The following LAMA5 variants were observed in gnomAD, a reference collection of about 807,000 sequenced individuals.
LAMA5 encodes the protein laminin subunit alpha-5.
In LAMA5, 260 loss-of-function variants were observed where a neutral mutation model predicts 433.4. That is an observed-to-expected ratio of 0.60 (90% CI 0.54 to 0.66). LAMA5 has a LOEUF of 0.66. Ranked by LOEUF, LAMA5 falls within the 30% of genes least tolerant of loss-of-function variation. The pLI is 0.00. For missense variants in LAMA5, 5,378 were observed against 5,258.5 expected, an observed-to-expected ratio of 1.02 and a Z score of -0.70; for synonymous variants, 2,620 against 2,226.6, an observed-to-expected ratio of 1.18 and a Z score of -4.97.
chr20:62,329,696 G>T (rs1979987502), intron 32 of LAMA5, 81 bp downstream of exon 32: 7 of 1,544,172 alleles, frequency 4.5e-6, no homozygotes, highest in African/African-American at 1.4e-5. Context: ...AGAAGAGACA[G>T]ACCCAGCCCA....
intron 48 of LAMA5, among the ~76,000 whole-genome samples, chr20:62,321,099 C>T (rs1987654528): frequency 7.1e-6 from 1 of 140,948 alleles, no homozygotes; most frequent in Non-Finnish European, 1.5e-5. Flanking sequence ...GGCATGGGGT[C>T]ACCCAGGGAG....
At chr20:62,316,160 C>G in intron 57 of LAMA5, 102 bp from the exon 58 acceptor site, 2 of 761,616 alleles carry the variant, frequency 2.6e-6, no homozygotes, top group South Asian at 3.2e-5. Context: ...GGCTGACACA[C>G]AGCAGACAGA....
In LAMA5 at chr20:62,320,542, G is replaced by A; in HGVS notation, c.6759+17C>T. 6.4e-7 allele frequency: 1 copy of A among 1,567,944 alleles called. No individual in the cohort carries two copies. The highest frequency in any genetic ancestry group is 8.6e-7 in the Non-Finnish European group (1 of 1,161,450). On this transcript the variant is annotated intron_variant, in intron 50 of 79. Coordinates refer to ENST00000252999, the MANE Select transcript of LAMA5 (RefSeq NM_005560.6). ...GTGAAAGCCTCCCGGGGCCCTGGGG[G>A]GTCTTGGGGCTCCTGCCTGGCCGCC...
At chr20:62,322,244 C>T in intron 47 of LAMA5, 25 bp downstream of exon 47, 1 of 1,570,208 alleles carries the variant, frequency 6.4e-7, no homozygotes, top group Non-Finnish European at 8.6e-7. Flanking sequence ...CCCCATCCGC[C>T]CTCCTGTGAC....
chr20:62,316,749 C>A lies in LAMA5; in HGVS notation c.7678G>T (p.Asp2560Tyr), dbSNP rs1357142971. ...TTGGCCAGGAGCTGCTGGGCTCGGT[C>A]CACCAGGCCCTGCCGCACCACCGTC... ...WATVVRQGLV[D>Y]RAQQLLANST... Residue 2560 changes from aspartate to tyrosine, a missense_variant, in exon 57 of 80, where the codon GAC becomes TAC. Asp to Tyr is a radical substitution (Grantham distance 160, BLOSUM62 -3). Transcript: ENST00000252999. 6.2e-7 allele frequency: 1 copy of A among 1,607,744 alleles called. No individual in the cohort carries two copies. Among genetic ancestry groups the A allele is most frequent in the East Asian group, 2.2e-5 (1 of 44,738 alleles).
At chr20:62,354,940 G>A (rs929981048) in intron 2 of LAMA5, among the ~76,000 whole-genome samples, 2 of 152,188 alleles carry the variant, frequency 1.3e-5, no homozygotes, top group African/African-American at 4.8e-5. Context: ...CCTCTCCCCC[G>A]CCTGTGCGAG....
intron 66 of LAMA5, 41 bp from the exon 67 acceptor site, chr20:62,312,821 G>C: frequency 1.2e-6 from 2 of 1,601,356 alleles, no homozygotes; most frequent in Non-Finnish European, 1.7e-6. Flanking sequence ...CTGTGTCCCT[G>C]CGGCCTGCCC....
chr20:62,345,103 C>T (rs1024598368), intron 11 of LAMA5, among the ~76,000 whole-genome samples: 5 of 151,612 alleles, frequency 3.3e-5, no homozygotes, highest in Non-Finnish European at 5.9e-5. Context: ...CAGCAAGCTC[C>T]GCCTCCCGGG....
chr20:62,344,197 C>A (rs1437580981), intron 11 of LAMA5, among the ~76,000 whole-genome samples: 1 of 151,206 alleles, frequency 6.6e-6, no homozygotes, highest in Non-Finnish European at 1.5e-5. Context: ...AGTCTAAGAC[C>A]CCACTCACTG....
At chr20:62,336,027 AACCCCTAT>A (rs1267484263) in intron 18 of LAMA5, among the ~76,000 whole-genome samples, 5 of 146,438 alleles carry the variant, frequency 3.4e-5, no homozygotes, top group African/African-American at 1.0e-4. Flanking sequence ...CCCTCCGAGG[AACCCCTAT>A]ACCCCAATAC....
In LAMA5 at chr20:62,325,315, C is replaced by A; in HGVS notation, c.5529+1G>T. The A allele has an allele frequency of 1.3e-6, 2 of 1,575,436 alleles. No individual in the cohort carries two copies. Among genetic ancestry groups the A allele is most frequent in the Non-Finnish European group, 1.7e-6 (2 of 1,158,126 alleles). ...GCAGTCTGGTGCTGTCCTAACCTCA[C>A]CTGGCATGAGTCCCCCCGGTAGCTG... On this transcript the variant is annotated splice_donor_variant, in intron 41 of 79. Transcript: ENST00000252999. LOFTEE classifies it high-confidence loss of function.
rs976363221 is a variant in LAMA5, at chr20:62,324,861, C to T, written c.5530-307G>A. On this transcript the variant is annotated intron_variant, in intron 41 of 79. Coordinates refer to ENST00000252999, the MANE Select transcript of LAMA5 (RefSeq NM_005560.6). The surrounding 1 kb of genome is among the most constrained non-coding windows in gnomAD (Gnocchi z 4.4). ...TGTGGACCAGGGCCTACTCTTTCCA[C>T]TCCTTCTAGGAGGTATTCAACCACA... 1.4e-5 allele frequency: 6 copies of T among 443,486 alleles called. No homozygotes were observed. Among genetic ancestry groups the T allele is most frequent in the African/African-American group, 7.9e-5 (4 of 50,628 alleles). 27.5% of individuals were successfully genotyped at this position (443,486 alleles called of 1,614,324 possible).
chr20:62,351,921 C>T lies in LAMA5; in HGVS notation c.846G>A (p.Thr282=), dbSNP rs747326879. 16 of 1,605,826 alleles carry T rather than the reference C, an allele frequency of 1.0e-5. No individual in the cohort carries two copies. Among genetic ancestry groups the T allele is most frequent in the Middle Eastern group, 1.6e-4 (1 of 6,070 alleles). Residue 282 remains threonine (T), a synonymous_variant, in exon 5 of 80, where the codon ACG becomes ACA. Coordinates refer to ENST00000252999, the MANE Select transcript of LAMA5 (RefSeq NM_005560.6). The part of the protein sequence containing the change: ...HLMGKALRDP[T]VTRRYYYSIK... ...ATGGGCAGCTCACCCGGCGGGTGAC[C>T]GTGGGGTCCCGCAGCGCCTTCCCCA...
At position 62,309,272 on chromosome 20, in the gene LAMA5, C is replaced by T. The variant is rs996570720; in HGVS notation, c.*64G>A. The T allele has an allele frequency of 2.2e-5, 33 of 1,528,290 alleles. No individual in the cohort carries two copies. The highest frequency in any genetic ancestry group is 1.1e-4 in the Admixed American group (6 of 54,682). 94.7% of individuals were successfully genotyped at this position (1,528,290 alleles called of 1,614,324 possible). Reference sequence around the variant, plus strand: ...AGAGTCCAAATAGACACCTATGAGGCGAGCACAAGGGGCGGTGTGAGGCAG... The same window carrying T: ...AGAGTCCAAATAGACACCTATGAGGTGAGCACAAGGGGCGGTGTGAGGCAG... On this transcript the variant is annotated 3_prime_UTR_variant, in exon 80 of 80. Transcript: ENST00000252999.
chr20:62,346,623 G>A (rs1383106656), intron 8 of LAMA5, 27 bp from the exon 9 acceptor site: 1 of 1,610,412 alleles, frequency 6.2e-7, no homozygotes, highest in Non-Finnish European at 8.5e-7. Flanking sequence ...CGTTGAGTCT[G>A]GGGAGGTCCC....
At position 62,317,072 on chromosome 20, in the gene LAMA5, G is replaced by A. The variant is rs758577016; in HGVS notation, c.7512-49C>T. On this transcript the variant is annotated intron_variant, in intron 55 of 79. Transcript: ENST00000252999. The stretch of plus-strand genomic sequence containing the variant: ...GGAGTGGGTAAGCGCAGACGCCCTC[G>A]GCCTGGCTCTCCAGCCTCCTGCGCT... 216 of 1,485,266 alleles carry A rather than the reference G, an allele frequency of 1.5e-4. 1 individual carries two copies. Among genetic ancestry groups the A allele is most frequent in the Non-Finnish European group, 1.0e-4 (117 of 1,121,466 alleles). The allele number at this position is 1,485,266 out of a possible 1,614,324, so 92.0% of individuals were successfully genotyped here.
Position 62,333,579 on chromosome 20 carries a change from G to A in LAMA5, c.3006C>T (p.Ala1002=), listed in dbSNP as rs774765996. The A allele has an allele frequency of 1.3e-5, 21 of 1,567,462 alleles. No individual in the cohort carries two copies. The highest frequency in any genetic ancestry group is 7.0e-5 in the East Asian group (3 of 42,556). ...NPGTWALRVE[A]EGVLLDYVVL... Reference sequence around the variant, plus strand: ...CCTGCCTCACCAGGAGCACCCCTTCGGCCTCCACACGCAGGGCCCAGGTGC... The same window carrying A: ...CCTGCCTCACCAGGAGCACCCCTTCAGCCTCCACACGCAGGGCCCAGGTGC... Residue 1002 remains alanine (A), a synonymous_variant, in exon 24 of 80, where the codon GCC becomes GCT. Transcript: ENST00000252999.
At position 62,323,441 on chromosome 20, in the gene LAMA5, C is replaced by G. The variant is rs764139978; in HGVS notation, c.6064+15G>C. 4 of 1,528,290 alleles carry G rather than the reference C, an allele frequency of 2.6e-6. No homozygotes were observed. Among genetic ancestry groups the G allele is most frequent in the Non-Finnish European group, 2.6e-6 (3 of 1,139,014 alleles). 94.7% of individuals were successfully genotyped at this position (1,528,290 alleles called of 1,614,324 possible). A position where few individuals can be genotyped will look rare whatever the true frequency, so the allele number is the denominator to read the frequency against. The stretch of plus-strand genomic sequence containing the variant: ...AACCCTCCCCAGGGTGCATCCCTCC[C>G]AGCCCGACGCCTACGGGTGCAGTTG... On this transcript the variant is annotated intron_variant, in intron 45 of 79. Transcript: ENST00000252999.
rs904712161 is a variant in LAMA5 at position 62,359,315 on chromosome 20, C to G, written c.450+3085G>C. On this transcript the variant is annotated intron_variant, in intron 2 of 79. Transcript: ENST00000252999. The surrounding 1 kb of genome is among the most constrained non-coding windows in gnomAD (Gnocchi z 4.3). ...CACAGGCCAGAGCCAGCCCCACTCACCCTGCCCAGCTCCTTACAACCTGGG... is the reference window on the plus strand; with the variant it reads ...CACAGGCCAGAGCCAGCCCCACTCAGCCTGCCCAGCTCCTTACAACCTGGG... Among the ~76,000 whole-genome samples the G allele has an allele frequency of 9.2e-5, 14 of 152,180 alleles. No individual in the cohort carries two copies. The highest frequency in any genetic ancestry group is 3.4e-4 in the African/African-American group (14 of 41,452).
Sources: gnomAD v4.1 joint callset for allele counts (sites outside exome capture counted in the v4.1 genomes callset) on GRCh38, gnomAD v4.1.1 for gene constraint, Gnocchi (gnomAD v3.1) non-coding constraint, MANE v1.5 for transcripts, NCBI Gene and HGNC (gene_info 2026-07-23, HGNC 2026-07-21) for gene names.